Variants in CEP44 observed in about 807,000 individuals in gnomAD.
CEP44 encodes the protein centrosomal protein of 44 kDa.
In CEP44, 45 loss-of-function variants were observed where a neutral mutation model predicts 46.7. That is an observed-to-expected ratio of 0.96 (90% CI 0.76 to 1.24). The LOEUF (loss-of-function observed/expected upper bound fraction) is 1.24. Ranked by LOEUF, CEP44 falls within the 50% of genes most tolerant of loss-of-function variation. CEP44 has a pLI of 0.00. For missense variants in CEP44, 475 were observed against 459.7 expected (o/e 1.03, Z -0.30); for synonymous variants, 142 against 146.0 (o/e 0.97, Z 0.20).
downstream of CEP44, among the ~76,000 whole-genome samples, chr4:174,324,423 G>A (rs573039450): frequency 6.6e-6 from 1 of 152,138 alleles, no homozygotes; most frequent in South Asian, 2.1e-4. Flanking sequence ...GGGATGGCTG[G>A]GTCAAATAGT....
At chr4:174,324,576 CGT>C (rs1318013071), downstream of CEP44, among the ~76,000 whole-genome samples, 1 of 152,098 alleles carries the variant, frequency 6.6e-6, no homozygotes, top group East Asian at 1.9e-4. Flanking sequence ...TTCTAGTGGA[CGT>C]GTGTGGTGTA....
intron 11 of CEP44, among the ~76,000 whole-genome samples, 184 bp from the exon 12 acceptor site, chr4:174,317,151 C>G (rs762532574): frequency 1.3e-5 from 2 of 151,934 alleles, no homozygotes; most frequent in Non-Finnish European, 2.9e-5. Context: ...AAGAATATGA[C>G]TCATAATCGA....
intron 1 of CEP44, among the ~76,000 whole-genome samples, chr4:174,292,594 A>G (rs544829855): frequency 6.6e-6 from 1 of 152,266 alleles, no homozygotes; most frequent in Admixed American, 6.5e-5. Flanking sequence ...GTATAATTTC[A>G]TATGACCGGT....
At chr4:174,322,225 C>T (rs1742367677), downstream of CEP44, among the ~76,000 whole-genome samples, 1 of 152,096 alleles carries the variant, frequency 6.6e-6, no homozygotes, top group Non-Finnish European at 1.5e-5. Flanking sequence ...CAATTTCGCA[C>T]CATTTTTTAA....
At chr4:174,300,338 C>T (rs983491852) in intron 3 of CEP44, among the ~76,000 whole-genome samples, 19 of 152,078 alleles carry the variant, frequency 1.2e-4, no homozygotes, top group Non-Finnish European at 2.4e-4. Flanking sequence ...AGATATGAAA[C>T]AGATGTAATC....
intron 5 of CEP44, 26 bp from the exon 6 acceptor site, chr4:174,304,221 A>G (rs960656899): frequency 6.4e-7 from 1 of 1,564,538 alleles, no homozygotes; most frequent in African/African-American, 1.4e-5. Context: ...AAAATTTGTT[A>G]TTTTGACTAA....
chr4:174,292,401 C>T (rs1738337916), intron 1 of CEP44, among the ~76,000 whole-genome samples: 2 of 152,144 alleles, frequency 1.3e-5, no homozygotes. Flanking sequence ...TGTCCATTTT[C>T]CTCCCTAGAT....
chr4:174,300,851 G>T (rs1739625753), intron 3 of CEP44, among the ~76,000 whole-genome samples: 1 of 152,012 alleles, frequency 6.6e-6, no homozygotes, highest in African/African-American at 2.4e-5. Context: ...AGATAATCAA[G>T]ATTTTTGAAA....
chr4:174,318,322 G>A lies in CEP44; in HGVS notation c.*939G>A, dbSNP rs150156902. 363 of 985,118 alleles carry A rather than the reference G, an allele frequency of 3.7e-4. 4 individuals are homozygous for A. The East Asian group carries it at 0.028, about 75-fold the overall frequency. 61.0% of individuals were successfully genotyped at this position (985,118 alleles called of 1,614,324 possible). Reference sequence around the variant, plus strand: ...AGGTGATCTGCCTGTCTTGGCCTCCGGCGTAACACTTTTTAAGACCAGTGT... The same window carrying A: ...AGGTGATCTGCCTGTCTTGGCCTCCAGCGTAACACTTTTTAAGACCAGTGT... On this transcript the variant is annotated 3_prime_UTR_variant, in exon 12 of 12. Transcript: ENST00000503780.
chr4:174,331,401 C>A lies in CEP44; in HGVS notation c.1087-81C>A. The stretch of plus-strand genomic sequence containing the variant: ...GGAGGAAATATTAATAGCACTCTGA[C>A]ACTGCTCTAATTCCTATCTACCCAT... On this transcript the variant is annotated intron_variant, in intron 8 of 8. Coordinates refer to the CEP44 transcript ENST00000426172. This position sits in a 1 kb window ranked among gnomAD's most constrained non-coding sequence, Gnocchi z 4.5. 1 of 1,438,440 alleles carries A rather than the reference C, an allele frequency of 7.0e-7. No homozygotes were observed. The highest frequency in any genetic ancestry group is 1.4e-5 in the South Asian group (1 of 72,912). The allele number at this position is 1,438,440 out of a possible 1,614,324, so 89.1% of individuals were successfully genotyped here.
chr4:174,304,078 T>A (rs1176593396), intron 5 of CEP44, among the ~76,000 whole-genome samples, 169 bp from the exon 6 acceptor site: 1 of 152,220 alleles, frequency 6.6e-6, no homozygotes, highest in Non-Finnish European at 1.5e-5. Flanking sequence ...AGTTCAAACA[T>A]AATACATTTT....
chr4:174,327,213 CAG>C (rs567381838), intron 8 of CEP44, among the ~76,000 whole-genome samples: 162 of 149,010 alleles, frequency 1.1e-3, no homozygotes, highest in African/African-American at 3.7e-3. Context: ...AGAGAAAAAA[CAG>C]ATAAATGGTA....
chr4:174,287,162 A>G lies in CEP44; in HGVS notation c.-148+3219A>G, dbSNP rs1409979490. Among the ~76,000 whole-genome samples, 3 of 152,164 alleles carry G rather than the reference A, an allele frequency of 2.0e-5. No individual in the cohort carries two copies. Among genetic ancestry groups the G allele is most frequent in the African/African-American group, 7.2e-5 (3 of 41,442 alleles). ...CCTTCTATTTCTAGGCCATTGGGAT[A>G]TAGGTCGTTATGGGACCCCAGGTAG... is the stretch of plus-strand genomic sequence containing the variant. On this transcript the variant is annotated intron_variant, in intron 1 of 11. Transcript: ENST00000503780. The surrounding 1 kb of genome is among the most constrained non-coding windows in gnomAD (Gnocchi z 5.1).
Position 174,304,168 on chromosome 4 carries a change from T to C in CEP44, c.385-79T>C, listed in dbSNP as rs183884147. 6.0e-5 allele frequency: 86 copies of C among 1,437,344 alleles called. No homozygotes were observed. The African/African-American group carries it at 9.8e-4, about 16-fold the overall frequency. The allele number at this position is 1,437,344 out of a possible 1,614,324, so 89.0% of individuals were successfully genotyped here. A position where few individuals can be genotyped will look rare whatever the true frequency, so the allele number is the denominator to read the frequency against. The stretch of plus-strand genomic sequence containing the variant: ...TCAGCTATATTTCATATATGAAAAT[T>C]TAAATGTTAATGGAATTTTAATATA... On this transcript the variant is annotated intron_variant, in intron 5 of 11. Coordinates refer to ENST00000503780, the MANE Select transcript of CEP44 (RefSeq NM_001040157.3).
In CEP44 at chr4:174,325,837, CTT is replaced by C. The variant is rs1742628636; in HGVS notation, c.1087-5643_1087-5642del. On this transcript the variant is annotated intron_variant, in intron 8 of 8. Transcript: ENST00000426172. This position sits in a 1 kb window ranked among gnomAD's most constrained non-coding sequence, Gnocchi z 4.4. The stretch of plus-strand genomic sequence containing the variant: ...TTATTTCTTATTATGAGTTGGCCCT[CTT>C]TATCTCTGGTAATATTCTCTCCTGA... Among the ~76,000 whole-genome samples the C allele has an allele frequency of 6.6e-6, 1 of 152,146 alleles. No homozygotes were observed. The highest frequency in any genetic ancestry group is 6.6e-5 in the Admixed American group (1 of 15,266).
rs1475441866 is a variant in CEP44, at chr4:174,319,962, A to G, written c.*2579A>G. 1.0e-6 allele frequency: 1 copy of G among 985,104 alleles called. No individual in the cohort carries two copies. The highest frequency in any genetic ancestry group is 1.2e-6 in the Non-Finnish European group (1 of 829,796). 61.0% of individuals were successfully genotyped at this position (985,104 alleles called of 1,614,324 possible). ...GGTGAAGCAGGGGAGTTCTGAAGAG[A>G]TTACCTAGAGCTACATAACCCTAAG... On this transcript the variant is annotated 3_prime_UTR_variant, in exon 12 of 12. Transcript: ENST00000503780.
Position 174,302,252 on chromosome 4 carries a change from T to A in CEP44, c.237+66T>A. 4.9e-6 allele frequency: 5 copies of A among 1,013,030 alleles called. No homozygotes were observed. The Admixed American group carries it at 1.2e-4, about 25-fold the overall frequency. The allele number at this position is 1,013,030 out of a possible 1,614,324, so 62.8% of individuals were successfully genotyped here. A position where few individuals can be genotyped will look rare whatever the true frequency, so the allele number is the denominator to read the frequency against. ...TGATTTTTAAAAATTAATGATTTAG[T>A]CATAACTTCTTAAATATATGCAGCA... On this transcript the variant is annotated intron_variant, in intron 4 of 11. Transcript: ENST00000503780.
At chr4:174,295,132 C>A (rs1738803156) in intron 1 of CEP44, among the ~76,000 whole-genome samples, 1 of 151,996 alleles carries the variant, frequency 6.6e-6, no homozygotes, top group Admixed American at 6.5e-5. Flanking sequence ...GGGGGCTGAC[C>A]CTCACCTCCC....
Position 174,318,814 on chromosome 4 carries a change from T to A in CEP44, c.*1431T>A. 1.4e-6 allele frequency: 1 copy of A among 718,176 alleles called. No homozygotes were observed. The highest frequency in any genetic ancestry group is 1.7e-6 in the Non-Finnish European group (1 of 587,392). 44.5% of individuals were successfully genotyped at this position (718,176 alleles called of 1,614,324 possible). A position where few individuals can be genotyped will look rare whatever the true frequency, so the allele number is the denominator to read the frequency against. The stretch of plus-strand genomic sequence containing the variant: ...CATTTTTAGAATTCCTTTGTTTTTT[T>A]TTTTTTTCTTTTTGAAACAGGGTCT... On this transcript the variant is annotated 3_prime_UTR_variant, in exon 12 of 12. Transcript: ENST00000503780.
Sources: gnomAD v4.1 joint callset for allele counts (sites outside exome capture counted in the v4.1 genomes callset) on GRCh38, gnomAD v4.1.1 for gene constraint, Gnocchi (gnomAD v3.1) non-coding constraint, MANE v1.5 for transcripts, NCBI Gene and HGNC (gene_info 2026-07-23, HGNC 2026-07-21) for gene names.